Variants in ARHGAP26 observed in about 807,000 individuals in gnomAD.
ARHGAP26 encodes Rho GTPase activating protein 26, also known as rho GTPase-activating protein 26.
A neutral mutation model predicts 104.8 loss-of-function variants in ARHGAP26; 38 were observed. The ratio of observed to expected loss-of-function variants is 0.36; its 90% CI spans 0.28 to 0.48. The LOEUF (loss-of-function observed/expected upper bound fraction) is 0.48, where lower values mean the gene tolerates loss of function less well. ARHGAP26 is among the 20% of genes least tolerant of loss of function. The pLI is 0.99. For synonymous variants in ARHGAP26, 341 were observed against 340.0 expected, an observed-to-expected ratio of 1.00 and a Z score of -0.03; for missense variants, 704 against 947.9, an observed-to-expected ratio of 0.74 and a Z score of 3.38.
chr5:143,115,351 C>A (rs1049674104), intron 17 of ARHGAP26, among the ~76,000 whole-genome samples: 2 of 57,142 alleles, frequency 3.5e-5, no homozygotes, highest in Admixed American at 2.6e-4. Context: ...ACAACAACAA[C>A]AAAAAACGAA....
At chr5:143,154,356 T>C (rs961014410) in intron 20 of ARHGAP26, among the ~76,000 whole-genome samples, 2 of 152,178 alleles carry the variant, frequency 1.3e-5, no homozygotes, top group African/African-American at 4.8e-5. Flanking sequence ...AGTTTTCTCA[T>C]CTGTAAAATA....
intron 17 of ARHGAP26, among the ~76,000 whole-genome samples, chr5:143,117,198 A>G (rs1795569272): frequency 6.6e-6 from 1 of 152,330 alleles, no homozygotes; most frequent in East Asian, 1.9e-4. Context: ...AGGAACTCAG[A>G]CAGCTCAATT....
At chr5:143,028,177 TG>T (rs1781349035) in intron 12 of ARHGAP26, among the ~76,000 whole-genome samples, 1 of 152,154 alleles carries the variant, frequency 6.6e-6, no homozygotes, top group South Asian at 2.1e-4. Context: ...ATGATGATGA[TG>T]ATGATGATGA....
At chr5:143,118,061 G>C (rs943740343) in intron 17 of ARHGAP26, among the ~76,000 whole-genome samples, 1 of 152,126 alleles carries the variant, frequency 6.6e-6, no homozygotes, top group Non-Finnish European at 1.5e-5. Context: ...GCCTTCACTG[G>C]GTATAGAGGA....
At chr5:143,160,115 A>G (rs1801025754) in intron 20 of ARHGAP26, among the ~76,000 whole-genome samples, 1 of 146,154 alleles carries the variant, frequency 6.8e-6, no homozygotes, top group Non-Finnish European at 1.5e-5. Flanking sequence ...GCTGGAGTGC[A>G]GTGGTGCAAT....
intron 11 of ARHGAP26, among the ~76,000 whole-genome samples, chr5:142,985,898 G>A (rs1365638566): frequency 6.6e-6 from 1 of 151,950 alleles, no homozygotes; most frequent in Admixed American, 6.6e-5. Context: ...TTTAAATCCA[G>A]TCTATCATTG....
chr5:142,771,290 A>T, intron 1 of ARHGAP26: 3 of 1,239,414 alleles, frequency 2.4e-6, no homozygotes, highest in Non-Finnish European at 3.0e-6. Flanking sequence ...CAGCTCCCTT[A>T]GGGGCAGAGT....
At chr5:143,000,563 A>G (rs1777051435) in intron 11 of ARHGAP26, among the ~76,000 whole-genome samples, 1 of 152,260 alleles carries the variant, frequency 6.6e-6, no homozygotes, top group African/African-American at 2.4e-5. Flanking sequence ...TCATTCTATA[A>G]AGACACATGT....
intron 19 of ARHGAP26, among the ~76,000 whole-genome samples, chr5:143,139,371 G>A (rs1798256904): frequency 6.6e-6 from 1 of 152,168 alleles, no homozygotes; most frequent in African/African-American, 2.4e-5. Flanking sequence ...GTCAGCAAAT[G>A]GCAGAGAAGG....
At chr5:142,986,984 C>CA (rs1414236981) in intron 11 of ARHGAP26, among the ~76,000 whole-genome samples, 55 of 152,182 alleles carry the variant, frequency 3.6e-4, no homozygotes, top group Admixed American at 6.5e-4. Context: ...TTTGGCAATG[C>CA]GGCTCTTTTT....
chr5:143,110,426 G>C lies in ARHGAP26; in HGVS notation c.1539-10562G>C, dbSNP rs539394041. Among the ~76,000 whole-genome samples the C allele has an allele frequency of 7.2e-5, 11 of 152,332 alleles. No individual in the cohort carries two copies. The East Asian group carries it at 1.7e-3, about 24-fold the overall frequency. On this transcript the variant is annotated intron_variant, in intron 17 of 22. Transcript: ENST00000645722. ...CACCTTGCACTTTCTTCGTTGGGTA[G>C]AAAGTCCCAAAGCAATGTCTCCATG...
At chr5:142,947,391 C>T (rs1202556259) in intron 11 of ARHGAP26, among the ~76,000 whole-genome samples, 1 of 152,144 alleles carries the variant, frequency 6.6e-6, no homozygotes, top group Admixed American at 6.6e-5. Context: ...CTTCTTATTA[C>T]TACTTTGCTG....
intron 1 of ARHGAP26, among the ~76,000 whole-genome samples, chr5:142,802,600 A>G (rs1349330497): frequency 6.6e-6 from 1 of 152,210 alleles, no homozygotes; most frequent in East Asian, 1.9e-4. Flanking sequence ...CGGGGATTCC[A>G]TGTAATTGTA....
chr5:143,209,610 A>G (rs1052548904), intron 21 of ARHGAP26, among the ~76,000 whole-genome samples: 3 of 152,010 alleles, frequency 2.0e-5, no homozygotes, highest in Middle Eastern at 3.2e-3. Flanking sequence ...ACAAAACCCC[A>G]TCTCTACTAA....
intron 17 of ARHGAP26, among the ~76,000 whole-genome samples, chr5:143,118,010 A>AC (rs919621124): frequency 6.6e-6 from 1 of 152,266 alleles, no homozygotes; most frequent in African/African-American, 2.4e-5. Context: ...GGTAGGGATG[A>AC]CAACACTGTG....
At chr5:143,004,754 G>A (rs1230921603) in intron 11 of ARHGAP26, among the ~76,000 whole-genome samples, 8 of 152,180 alleles carry the variant, frequency 5.3e-5, no homozygotes, top group African/African-American at 9.7e-5. Context: ...AACCAACACT[G>A]TGGTTTAGGG....
At chr5:142,936,296 A>G (rs2152545402) in intron 11 of ARHGAP26, among the ~76,000 whole-genome samples, 1 of 152,278 alleles carries the variant, frequency 6.6e-6, no homozygotes, top group South Asian at 2.1e-4. Context: ...TCTCCCCAAA[A>G]ATGAAGTGAC....
chr5:143,117,531 G>A (rs1277246973), intron 17 of ARHGAP26, among the ~76,000 whole-genome samples: 2 of 152,124 alleles, frequency 1.3e-5, no homozygotes, highest in African/African-American at 2.4e-5. Flanking sequence ...AATGAAAGGT[G>A]TAACTCTTCC....
chr5:143,153,126 C>T (rs1039235884), intron 20 of ARHGAP26, among the ~76,000 whole-genome samples: 6 of 152,112 alleles, frequency 3.9e-5, no homozygotes, highest in African/African-American at 1.4e-4. Flanking sequence ...GGAGACTAGC[C>T]TCTCGGTTTT....
Sources: gnomAD v4.1 joint callset for allele counts (sites outside exome capture counted in the v4.1 genomes callset) on GRCh38, gnomAD v4.1.1 for gene constraint, MANE v1.5 for transcripts, NCBI Gene and HGNC (gene_info 2026-07-23, HGNC 2026-07-21) for gene names.